Variants in STK32B observed in about 807,000 individuals in gnomAD.
STK32B encodes serine/threonine-protein kinase 32B.
STK32B carries 43 observed loss-of-function variants against 52.6 expected under a neutral mutation model. The ratio of observed to expected loss-of-function variants is 0.82; its 90% CI spans 0.64 to 1.05. The LOEUF is 1.05. STK32B is among the 50% of genes least tolerant of loss of function. STK32B has a pLI of 0.00. For synonymous variants in STK32B, 238 were observed against 204.3 expected, an observed-to-expected ratio of 1.17 and a Z score of -1.41; for missense variants, 621 against 534.6, an observed-to-expected ratio of 1.16 and a Z score of -1.59.
intron 3 of STK32B, among the ~76,000 whole-genome samples, chr4:5,191,895 G>C (rs1416075717): frequency 6.6e-6 from 1 of 152,234 alleles, no homozygotes. Flanking sequence ...GTGCTCCCAG[G>C]TCCATGACCG....
chr4:5,338,238 A>C (rs370175288), intron 4 of STK32B, among the ~76,000 whole-genome samples: 6 of 152,336 alleles, frequency 3.9e-5, no homozygotes, highest in African/African-American at 1.2e-4. Flanking sequence ...TAACAGAAAC[A>C]AACACAGCAA....
At chr4:5,130,577 A>G (rs1715701996) in intron 1 of STK32B, among the ~76,000 whole-genome samples, 1 of 152,036 alleles carries the variant, frequency 6.6e-6, no homozygotes, top group Non-Finnish European at 1.5e-5. Flanking sequence ...CTTCCTGAGA[A>G]CTGCAGTGGT....
chr4:5,099,397 A>G (rs928042470), intron 1 of STK32B, among the ~76,000 whole-genome samples: 3 of 151,652 alleles, frequency 2.0e-5, no homozygotes, highest in African/African-American at 7.3e-5. Flanking sequence ...ACATAGATGA[A>G]TTGAAGTGTC....
chr4:5,068,389 T>C (rs1049702616), intron 1 of STK32B, among the ~76,000 whole-genome samples: 7 of 152,190 alleles, frequency 4.6e-5, no homozygotes, highest in Admixed American at 4.6e-4. Context: ...TTTTCCACTC[T>C]TGAGTTACTT....
chr4:5,306,355 A>G (rs1360792667), intron 3 of STK32B, among the ~76,000 whole-genome samples: 2 of 152,102 alleles, frequency 1.3e-5, no homozygotes, highest in East Asian at 1.9e-4. Flanking sequence ...TCTTAGGTCT[A>G]GTAGTAATTG....
intron 11 of STK32B, among the ~76,000 whole-genome samples, chr4:5,494,497 A>C (rs1443912316): frequency 6.6e-6 from 1 of 152,156 alleles, no homozygotes; most frequent in Non-Finnish European, 1.5e-5. Flanking sequence ...TTTCCTGAAT[A>C]CAGCACATGG....
At chr4:5,087,586 A>G (rs561685459) in intron 1 of STK32B, among the ~76,000 whole-genome samples, 5 of 152,162 alleles carry the variant, frequency 3.3e-5, no homozygotes, top group Admixed American at 2.0e-4. Flanking sequence ...TGATAGATAG[A>G]TAGATAAATG....
intron 4 of STK32B, among the ~76,000 whole-genome samples, chr4:5,335,340 T>C (rs1000911449): frequency 2.0e-5 from 3 of 152,212 alleles, no homozygotes; most frequent in Admixed American, 2.0e-4. Flanking sequence ...TTATCATTTT[T>C]TATTGCATCT....
chr4:5,031,372 G>A, the STK32B span, among the ~76,000 whole-genome samples: 6 of 152,146 alleles, frequency 3.9e-5, no homozygotes, highest in African/African-American at 1.4e-4. Context: ...GGAAAATGAG[G>A]GATGACTTTA....
chr4:5,051,811 C>T lies in STK32B; in HGVS notation c.-53C>T, dbSNP rs1741794344. The T allele has an allele frequency of 9.0e-6, 14 of 1,561,704 alleles. No homozygotes were observed. The highest frequency in any genetic ancestry group is 1.2e-5 in the Non-Finnish European group (14 of 1,153,686). On this transcript the variant is annotated 5_prime_UTR_variant, in exon 1 of 12. Transcript: ENST00000282908. ...GCATCTCTGCGCGCGTCCCACATCC[C>T]GCATCCGGCATCCCAGCGGCCGGGC...
chr4:5,087,787 AG>A lies in STK32B; in HGVS notation c.52+35873del, dbSNP rs576205822. On this transcript the variant is annotated intron_variant, in intron 1 of 11. Coordinates refer to ENST00000282908, the MANE Select transcript of STK32B (RefSeq NM_018401.3). ...TTATGGATCTCATAATATAGCCCCA[AG>A]ACGTATGAAGCAAAAAGCGGCAGAA... Among the ~76,000 whole-genome samples the A allele has an allele frequency of 4.4e-3, 673 of 152,116 alleles. 3 individuals carry two copies. The highest frequency in any genetic ancestry group is 0.015 in the African/African-American group (638 of 41,552).
intron 3 of STK32B, among the ~76,000 whole-genome samples, chr4:5,257,886 T>G (rs1726433981): frequency 6.6e-6 from 1 of 152,158 alleles, no homozygotes; most frequent in African/African-American, 2.4e-5. Flanking sequence ...GAAGTTTCAG[T>G]GAGCCAAGAT....
At chr4:5,277,893 C>T (rs928003662) in intron 3 of STK32B, among the ~76,000 whole-genome samples, 1 of 152,176 alleles carries the variant, frequency 6.6e-6, no homozygotes, top group Non-Finnish European at 1.5e-5. Flanking sequence ...TAAACCTGGC[C>T]TGTCACTCAG....
At chr4:5,166,883 G>A (rs567209559) in intron 2 of STK32B, among the ~76,000 whole-genome samples, 3 of 152,250 alleles carry the variant, frequency 2.0e-5, no homozygotes, top group African/African-American at 7.2e-5. Flanking sequence ...GTCCCTCCTC[G>A]GCGTGTTGGG....
intron 1 of STK32B, chr4:5,127,149 A>G: frequency 2.0e-6 from 1 of 505,222 alleles, no homozygotes; most frequent in Non-Finnish European, 4.0e-6. Flanking sequence ...GATGCCAATG[A>G]TTACATTTTT....
chr4:5,219,696 A>G (rs1723403662), intron 3 of STK32B, among the ~76,000 whole-genome samples: 1 of 152,244 alleles, frequency 6.6e-6, no homozygotes, highest in Non-Finnish European at 1.5e-5. Context: ...CTGGACCAGC[A>G]CTTGACTGCG....
chr4:5,254,200 C>A (rs1463987329), intron 3 of STK32B, among the ~76,000 whole-genome samples: 1 of 152,066 alleles, frequency 6.6e-6, no homozygotes, highest in East Asian at 1.9e-4. Flanking sequence ...CAAATTTATA[C>A]CTCTTTATTA....
In STK32B at chr4:5,351,969, A is replaced by G. The variant is rs114718446; in HGVS notation, c.434+20576A>G. ...TGAATTAGTAATAAAAAGTCTCTCA[A>G]AAAAGAAAAGTCCAGGACCAGATGG... On this transcript the variant is annotated intron_variant, in intron 4 of 11. Transcript: ENST00000282908. Among the ~76,000 whole-genome samples, 567 of 152,192 alleles carry G rather than the reference A, an allele frequency of 3.7e-3. 3 individuals carry two copies. Among genetic ancestry groups the G allele is most frequent in the African/African-American group, 0.013 (550 of 41,568 alleles).
intron 11 of STK32B, among the ~76,000 whole-genome samples, chr4:5,475,756 TA>T (rs113442373): frequency 5.9e-4 from 83 of 141,316 alleles, no homozygotes; most frequent in East Asian, 1.2e-3. Context: ...ATGTGGAAAA[TA>T]AAAAAAAAAA....
Sources: gnomAD v4.1 joint callset for allele counts (sites outside exome capture counted in the v4.1 genomes callset) on GRCh38, gnomAD v4.1.1 for gene constraint, MANE v1.5 for transcripts, NCBI Gene and HGNC (gene_info 2026-07-23, HGNC 2026-07-21) for gene names.